ANGPT1: variants seen among roughly 807,000 people sequenced by gnomAD.
ANGPT1 encodes angiopoietin-1.
In ANGPT1, 17 loss-of-function variants were observed where a neutral mutation model predicts 62.2. That is an observed-to-expected ratio of 0.27 (90% CI 0.19 to 0.41). ANGPT1 has a LOEUF of 0.41. ANGPT1 is among the 10% of genes least tolerant of loss of function. The pLI is 1.00. For synonymous variants in ANGPT1, 199 were observed against 198.9 expected, an observed-to-expected ratio of 1.00 and a Z score of 0.00; for missense variants, 478 against 594.9, an observed-to-expected ratio of 0.80 and a Z score of 2.04.
chr8:107,432,580 C>T lies in ANGPT1; in HGVS notation c.297+64682G>A, dbSNP rs1811219336. Among the ~76,000 whole-genome samples, 8 of 150,852 alleles carry T rather than the reference C, an allele frequency of 5.3e-5. No homozygotes were observed. In the South Asian group the frequency reaches 1.3e-3, roughly 24 times the overall value. On this transcript the variant is annotated intron_variant, in intron 1 of 8. Coordinates refer to ENST00000517746, the MANE Select transcript of ANGPT1 (RefSeq NM_001146.5). ...TCGGGAGGCTGAGGCAGGAGAATGG[C>T]GTGAACCCGGGAGGCAGAGCTTGCA...
At chr8:107,334,336 T>C (rs781666803) in intron 3 of ANGPT1, among the ~76,000 whole-genome samples, 1 of 152,170 alleles carries the variant, frequency 6.6e-6, no homozygotes, top group Non-Finnish European at 1.5e-5. Flanking sequence ...ACCAGTAAAA[T>C]GAAATATGCA....
intron 1 of ANGPT1, among the ~76,000 whole-genome samples, chr8:107,491,407 C>A (rs1812950338): frequency 6.6e-6 from 1 of 152,060 alleles, no homozygotes; most frequent in African/African-American, 2.4e-5. Flanking sequence ...AGTAACACAG[C>A]ATTATGCAGT....
intron 1 of ANGPT1, 117 bp downstream of exon 1, chr8:107,497,145 C>T (rs778254403): frequency 5.6e-5 from 68 of 1,219,544 alleles, no homozygotes; most frequent in Non-Finnish European, 7.2e-5. Flanking sequence ...ATTGCAAACA[C>T]TGCCCCCCTG....
intron 1 of ANGPT1, among the ~76,000 whole-genome samples, chr8:107,383,492 A>T (rs936375006): frequency 6.6e-6 from 1 of 152,138 alleles, no homozygotes; most frequent in African/African-American, 2.4e-5. Context: ...CAGCAGTAAC[A>T]TTTGTGGCAG....
chr8:107,308,037 T>C (rs138952162), intron 4 of ANGPT1, among the ~76,000 whole-genome samples: 1,710 of 152,264 alleles, frequency 0.011, 21 homozygotes, highest in Middle Eastern at 0.02. Flanking sequence ...GGCTTTTCCA[T>C]TTGTCCCTCT....
intron 1 of ANGPT1, among the ~76,000 whole-genome samples, chr8:107,426,442 A>G (rs1210713623): frequency 6.6e-6 from 1 of 152,224 alleles, no homozygotes; most frequent in Non-Finnish European, 1.5e-5. Context: ...AAATAATCGC[A>G]TGTTTGAGGA....
chr8:107,335,358 C>A (rs1015788258), intron 3 of ANGPT1, among the ~76,000 whole-genome samples: 3 of 152,206 alleles, frequency 2.0e-5, no homozygotes, highest in Non-Finnish European at 2.9e-5. Flanking sequence ...TGCATAGGAA[C>A]TGAACCTTCT....
At chr8:107,393,991 A>T (rs554721695) in intron 1 of ANGPT1, among the ~76,000 whole-genome samples, 1 of 152,286 alleles carries the variant, frequency 6.6e-6, no homozygotes, top group Non-Finnish European at 1.5e-5. Context: ...TTTGGAAGTA[A>T]TCCACATTTG....
At chr8:107,257,211 C>A (rs2130001190) in intron 8 of ANGPT1, among the ~76,000 whole-genome samples, 1 of 152,274 alleles carries the variant, frequency 6.6e-6, no homozygotes, top group South Asian at 2.1e-4. Context: ...AAGCATTTTT[C>A]TTCATAACCT....
chr8:107,332,635 T>C (rs905007849), intron 3 of ANGPT1, among the ~76,000 whole-genome samples: 1 of 152,152 alleles, frequency 6.6e-6, no homozygotes, highest in Non-Finnish European at 1.5e-5. Context: ...CATAAAATAT[T>C]CCTCCTCATT....
In ANGPT1 at chr8:107,250,548, T is replaced by C. The variant is rs1196000045; in HGVS notation, c.*1307A>G. On this transcript the variant is annotated 3_prime_UTR_variant, in exon 9 of 9. Coordinates refer to ENST00000517746, the MANE Select transcript of ANGPT1 (RefSeq NM_001146.5). ...TGAAGGAGAAATATATGAAGAATGATGTATTTCATTAAGGGATATAGTAGA... is the reference window on the plus strand; with the variant it reads ...TGAAGGAGAAATATATGAAGAATGACGTATTTCATTAAGGGATATAGTAGA... The C allele has an allele frequency of 2.6e-5, 4 of 152,176 alleles. No homozygotes were observed. The highest frequency in any genetic ancestry group is 4.4e-5 in the Non-Finnish European group (3 of 68,006). The allele number at this position is 152,176 out of a possible 1,614,324, so 9.4% of individuals were successfully genotyped here.
chr8:107,343,559 A>C (rs1252902737), intron 2 of ANGPT1, among the ~76,000 whole-genome samples: 1 of 152,190 alleles, frequency 6.6e-6, no homozygotes, highest in Non-Finnish European at 1.5e-5. Flanking sequence ...GCCATTGGTG[A>C]GCACTGGTCA....
Position 107,251,224 on chromosome 8 carries a change from T to A in ANGPT1, c.*631A>T, listed in dbSNP as rs1370783911. On this transcript the variant is annotated 3_prime_UTR_variant, in exon 9 of 9. Transcript: ENST00000517746. ...TTATTGTCCATGTACTACAGTTCAT[T>A]ATGGCTTACAAAAATGGAATTTTCA... 6.6e-6 allele frequency: 1 copy of A among 152,314 alleles called. No homozygotes were observed. The highest frequency in any genetic ancestry group is 1.5e-5 in the Non-Finnish European group (1 of 68,090). 9.4% of individuals were successfully genotyped at this position (152,314 alleles called of 1,614,324 possible).
In ANGPT1 at chr8:107,465,408, C is replaced by T. The variant is rs183634680; in HGVS notation, c.297+31854G>A. On this transcript the variant is annotated intron_variant, in intron 1 of 8. Transcript: ENST00000517746. Reference sequence around the variant, plus strand: ...CTAATCACAGTGAATTTTTCATTAACAAATATAAAACCAATTGAATTGGAC... The same window carrying T: ...CTAATCACAGTGAATTTTTCATTAATAAATATAAAACCAATTGAATTGGAC... Among the ~76,000 whole-genome samples the T allele has an allele frequency of 2.9e-4, 44 of 152,194 alleles. 2 individuals are homozygous for T. The South Asian group carries it at 4.8e-3, about 16-fold the overall frequency.
At chr8:107,299,108 C>T (rs1198535608) in intron 5 of ANGPT1, among the ~76,000 whole-genome samples, 4 of 151,500 alleles carry the variant, frequency 2.6e-5, no homozygotes, top group African/African-American at 7.3e-5. Context: ...AAAATAAACC[C>T]TTGCCTGTGT....
chr8:107,284,148 T>C (rs1270335392), intron 7 of ANGPT1: 2 of 152,232 alleles, frequency 1.3e-5, no homozygotes, highest in African/African-American at 4.8e-5. Flanking sequence ...ATGCCATTAT[T>C]ACAATTTATT....
chr8:107,397,417 AT>A (rs770328447), intron 1 of ANGPT1, among the ~76,000 whole-genome samples: 1 of 148,004 alleles, frequency 6.8e-6, no homozygotes, highest in African/African-American at 2.5e-5. Context: ...ACATGAGGGG[AT>A]TTTTTCCCCT....
intron 1 of ANGPT1, among the ~76,000 whole-genome samples, chr8:107,358,162 G>A (rs953682009): frequency 1.3e-5 from 2 of 152,142 alleles, no homozygotes; most frequent in Admixed American, 6.6e-5. Context: ...AGTTTGTACA[G>A]GCATAAAACT....
At chr8:107,288,104 G>C (rs975821795) in intron 6 of ANGPT1, among the ~76,000 whole-genome samples, 1 of 151,944 alleles carries the variant, frequency 6.6e-6, no homozygotes, top group African/African-American at 2.4e-5. Context: ...AATTAATAAA[G>C]GGATACTGAA....
Sources: allele counts gnomAD v4.1 joint callset (sites outside exome capture counted in the v4.1 genomes callset), GRCh38; gene constraint gnomAD v4.1.1; transcripts MANE v1.5; gene names NCBI Gene and HGNC (gene_info 2026-07-23, HGNC 2026-07-21).